The following ITGB5 variants were observed in gnomAD, a reference collection of about 807,000 sequenced individuals.
ITGB5 encodes the protein integrin subunit beta 5, also known as integrin beta-5.
Under a neutral mutation model 84.8 loss-of-function variants are expected in ITGB5, and 38 were observed. The observed-to-expected ratio is 0.45, with a 90% confidence interval of 0.35 to 0.59. The LOEUF is 0.59. Ranked by LOEUF, ITGB5 falls within the 20% of genes least tolerant of loss-of-function variation. The pLI is 0.01. For synonymous variants in ITGB5, 393 were observed against 414.4 expected, an observed-to-expected ratio of 0.95 and a Z score of 0.63; for missense variants, 905 against 1,034.5, an observed-to-expected ratio of 0.87 and a Z score of 1.72.
intron 4 of ITGB5, among the ~76,000 whole-genome samples, chr3:124,844,065 A>G (rs2065044572): frequency 6.6e-6 from 1 of 152,152 alleles, no homozygotes; most frequent in African/African-American, 2.4e-5. Flanking sequence ...CTAACTCTAA[A>G]CATATACAAC....
In ITGB5 at chr3:124,859,546, C is replaced by T. The variant is rs983000809; in HGVS notation, c.157-100G>A. On this transcript the variant is annotated intron_variant, in intron 2 of 14. Coordinates refer to ENST00000296181, the MANE Select transcript of ITGB5 (RefSeq NM_002213.5). ...GTCTCCATCTGGTTGACCTTAAATT[C>T]TCTACTTTCCATTTTCATTGTCTGA... 4 of 822,064 alleles carry T rather than the reference C, an allele frequency of 4.9e-6. No homozygotes were observed. The African/African-American group carries it at 6.9e-5, about 14-fold the overall frequency. 50.9% of individuals were successfully genotyped at this position (822,064 alleles called of 1,614,324 possible).
intron 11 of ITGB5, among the ~76,000 whole-genome samples, chr3:124,772,392 G>T (rs1309785750): frequency 6.6e-6 from 1 of 152,172 alleles, no homozygotes; most frequent in Non-Finnish European, 1.5e-5. Flanking sequence ...CTGCCACCCA[G>T]AACGTTTCCG....
chr3:124,886,926 C>T lies in ITGB5; in HGVS notation c.70+5G>A. 8.2e-7 allele frequency: 1 copy of T among 1,212,920 alleles called. No homozygotes were observed. Among genetic ancestry groups the T allele is most frequent in the Non-Finnish European group, 1.0e-6 (1 of 975,794 alleles). The allele number at this position is 1,212,920 out of a possible 1,614,324, so 75.1% of individuals were successfully genotyped here. ...TCTCTGGGCGCCGTGGGCGGCGCGG[C>T]TTACCTGCGAGCCGGGGCAGGAGCG... On this transcript the variant is annotated splice_donor_5th_base_variant and intron_variant, in intron 1 of 14. Transcript: ENST00000296181.
At chr3:124,878,386 C>T (rs1185034430) in intron 1 of ITGB5, among the ~76,000 whole-genome samples, 1 of 152,180 alleles carries the variant, frequency 6.6e-6, no homozygotes, top group Admixed American at 6.5e-5. Context: ...ACATCATGAA[C>T]AACTGTAAAA....
chr3:124,788,595 C>T (rs1007678040), intron 10 of ITGB5, among the ~76,000 whole-genome samples: 1 of 152,166 alleles, frequency 6.6e-6, no homozygotes, highest in African/African-American at 2.4e-5. Context: ...CAAAATGGAA[C>T]CGGACTCTCC....
At chr3:124,843,287 C>T (rs72974508) in intron 4 of ITGB5, among the ~76,000 whole-genome samples, 200 of 152,330 alleles carry the variant, frequency 1.3e-3, no homozygotes, top group African/African-American at 4.7e-3. Context: ...AACTCTCCCC[C>T]TCTCTCTTCC....
intron 10 of ITGB5, among the ~76,000 whole-genome samples, chr3:124,778,221 G>GCAAGT (rs763272297): frequency 2.8e-4 from 42 of 152,362 alleles, no homozygotes; most frequent in Admixed American, 5.2e-4. Context: ...TGCTACACAT[G>GCAAGT]CAAGTTGTTA....
rs61760580 is a variant in ITGB5, at chr3:124,818,203, G to A, written c.1039-493C>T. Among the ~76,000 whole-genome samples, 1,237 of 151,872 alleles carry A rather than the reference G, an allele frequency of 8.1e-3. 14 individuals are homozygous for A. The highest frequency in any genetic ancestry group is 0.028 in the African/African-American group (1,170 of 41,418). On this transcript the variant is annotated intron_variant, in intron 7 of 14. Coordinates refer to ENST00000296181, the MANE Select transcript of ITGB5 (RefSeq NM_002213.5). Reference sequence around the variant, plus strand: ...ATAGGAAGCTGAGAGAACGAATGGCGCCCTCCCACGGACCTCTGAGGTCCT... The same window carrying A: ...ATAGGAAGCTGAGAGAACGAATGGCACCCTCCCACGGACCTCTGAGGTCCT...
intron 4 of ITGB5, among the ~76,000 whole-genome samples, chr3:124,846,414 T>A (rs1394385981): frequency 6.7e-6 from 1 of 149,592 alleles, no homozygotes; most frequent in Non-Finnish European, 1.5e-5. Flanking sequence ...CCTCATCAGA[T>A]GTTGCACAAG....
At chr3:124,861,232 A>C (rs541362592) in intron 2 of ITGB5, among the ~76,000 whole-genome samples, 1 of 152,098 alleles carries the variant, frequency 6.6e-6, no homozygotes, top group South Asian at 2.1e-4. Context: ...TAAATCCCCG[A>C]GGATCTTGCC....
At chr3:124,801,376 C>T (rs970411475) in intron 9 of ITGB5, among the ~76,000 whole-genome samples, 10 of 152,102 alleles carry the variant, frequency 6.6e-5, no homozygotes, top group East Asian at 3.9e-4. Context: ...TGATTTAAGC[C>T]GTATTTCTCT....
At chr3:124,768,022 A>G (rs2150924774) in intron 12 of ITGB5, among the ~76,000 whole-genome samples, 1 of 152,176 alleles carries the variant, frequency 6.6e-6, no homozygotes, top group East Asian at 1.9e-4. Flanking sequence ...GTGAGCTATG[A>G]TGGTGCCACT....
intron 4 of ITGB5, among the ~76,000 whole-genome samples, chr3:124,846,447 A>C (rs963795089): frequency 6.6e-5 from 10 of 152,002 alleles, no homozygotes; most frequent in Non-Finnish European, 1.5e-4. Context: ...AAACCAACAA[A>C]AAAAAAACGT....
Position 124,764,459 on chromosome 3 carries a change from C to A in ITGB5, c.2236G>T (p.Val746Phe). 6.2e-7 allele frequency: 1 copy of A among 1,614,120 alleles called. No individual in the cohort carries two copies. Among genetic ancestry groups the A allele is most frequent in the Non-Finnish European group, 8.5e-7 (1 of 1,180,020 alleles). Residue 746 changes from valine to phenylalanine, a missense_variant, in exon 14 of 15, where the codon GTC (valine) becomes TTC (phenylalanine). By Grantham distance (50) the Val-to-Phe change is conservative. Coordinates refer to ENST00000296181, the MANE Select transcript of ITGB5 (RefSeq NM_002213.5). Reference protein sequence around the residue: ...LALLAIWKLLVTIHDRREFAK... With the variant: ...LALLAIWKLLFTIHDRREFAK... Reference sequence around the variant, plus strand: ...AACTCCCTCCGGTCGTGGATGGTGACAAGCAGCTTCCAGATAGCCAGGAGT... The same window carrying A: ...AACTCCCTCCGGTCGTGGATGGTGAAAAGCAGCTTCCAGATAGCCAGGAGT...
At chr3:124,807,829 C>A (rs1469358765) in intron 9 of ITGB5, among the ~76,000 whole-genome samples, 2 of 151,326 alleles carry the variant, frequency 1.3e-5, no homozygotes, top group Non-Finnish European at 2.9e-5. Context: ...GTAGTCCCAG[C>A]TACTCAGGAG....
At chr3:124,898,218 C>CCT (rs770926231) in intron 1 of ITGB5, among the ~76,000 whole-genome samples, 1 of 145,090 alleles carries the variant, frequency 6.9e-6, no homozygotes, top group African/African-American at 2.6e-5. Flanking sequence ...GCTTTGAGGT[C>CCT]TTTTTTTTTT....
intron 10 of ITGB5, among the ~76,000 whole-genome samples, chr3:124,794,557 G>C (rs1559936174): frequency 6.6e-6 from 1 of 152,044 alleles, no homozygotes; most frequent in Non-Finnish European, 1.5e-5. Context: ...GAGGTGGGTG[G>C]ATCACCTGAG....
At position 124,772,554 on chromosome 3, in the gene ITGB5, G is replaced by C. The variant is rs529528423; in HGVS notation, c.1916+1136C>G. ...AGAAGCGACGTTTGTATTATGATTT[G>C]TTTCTGATCCTCTGTGTCCCTTCCT... On this transcript the variant is annotated intron_variant, in intron 11 of 14. Coordinates refer to ENST00000296181, the MANE Select transcript of ITGB5 (RefSeq NM_002213.5). Among the ~76,000 whole-genome samples the C allele has an allele frequency of 2.0e-5, 3 of 152,356 alleles. No individual in the cohort carries two copies. In the South Asian group the frequency reaches 6.2e-4, roughly 32 times the overall value.
intron 3 of ITGB5, among the ~76,000 whole-genome samples, chr3:124,850,208 C>T (rs1001392828): frequency 3.9e-5 from 6 of 151,968 alleles, no homozygotes; most frequent in East Asian, 1.9e-4. Flanking sequence ...AACTAGATCA[C>T]GAAGAATCCA....
Sources: allele counts gnomAD v4.1 joint callset (sites outside exome capture counted in the v4.1 genomes callset), GRCh38; gene constraint gnomAD v4.1.1; transcripts MANE v1.5; gene names NCBI Gene and HGNC (gene_info 2026-07-23, HGNC 2026-07-21).